The following MRTFB variants were observed in gnomAD, a reference collection of about 807,000 sequenced individuals.
MRTFB encodes myocardin-related transcription factor B.
Under a neutral mutation model 104.2 loss-of-function variants are expected in MRTFB, and 29 were observed. The ratio of observed to expected loss-of-function variants is 0.28; its 90% confidence interval spans 0.21 to 0.38. The LOEUF (loss-of-function observed/expected upper bound fraction) is 0.38, where lower values mean the gene tolerates loss of function less well. Ranked by LOEUF, MRTFB falls within the 10% of genes least tolerant of loss-of-function variation. The probability of loss-of-function intolerance (pLI) is 1.00; values close to 1 mark genes in which losing one functional copy is unlikely to be tolerated. For synonymous variants in MRTFB, 535 were observed against 519.5 expected (o/e 1.03, Z -0.41); for missense variants, 1,270 against 1,341.6 (o/e 0.95, Z 0.83).
the MRTFB span, among the ~76,000 whole-genome samples, chr16:14,047,954 T>C: frequency 6.6e-6 from 1 of 152,182 alleles, no homozygotes; most frequent in Non-Finnish European, 1.5e-5. Context: ...CAAAAGTTCA[T>C]AGTCCAAAGT....
chr16:14,241,686 A>G (rs1337704153), intron 10 of MRTFB, among the ~76,000 whole-genome samples: 1 of 152,198 alleles, frequency 6.6e-6, no homozygotes, highest in Non-Finnish European at 1.5e-5. Flanking sequence ...TAAGATTCAA[A>G]TATCTTGAGG....
intron 3 of MRTFB, among the ~76,000 whole-genome samples, chr16:14,160,173 T>A (rs2038979820): frequency 6.6e-6 from 1 of 152,210 alleles, no homozygotes; most frequent in African/African-American, 2.4e-5. Context: ...TAGTCAAGTA[T>A]CACTCATTGC....
At chr16:14,075,642 G>A (rs879538961) in intron 1 of MRTFB, among the ~76,000 whole-genome samples, 22 of 152,200 alleles carry the variant, frequency 1.4e-4, no homozygotes, top group Non-Finnish European at 2.9e-4. Context: ...CATACTTTGA[G>A]AACCATTAGA....
the MRTFB span, among the ~76,000 whole-genome samples, chr16:14,011,172 G>A: frequency 6.6e-6 from 1 of 152,252 alleles, no homozygotes; most frequent in Non-Finnish European, 1.5e-5. Context: ...CATCCCAGGA[G>A]CCCAGGCAAT....
chr16:14,127,280 A>G (rs907617475), intron 2 of MRTFB, among the ~76,000 whole-genome samples: 5 of 152,246 alleles, frequency 3.3e-5, no homozygotes, highest in Admixed American at 6.5e-5. Context: ...AGGTATTACA[A>G]AATGGAACAA....
At chr16:14,046,611 TCC>T in the MRTFB span, among the ~76,000 whole-genome samples, 3 of 152,148 alleles carry the variant, frequency 2.0e-5, no homozygotes, top group Non-Finnish European at 2.9e-5. Context: ...TCAGCATCTC[TCC>T]CCTGCTCCAC....
At chr16:14,160,649 T>A (rs1487920144) in intron 3 of MRTFB, among the ~76,000 whole-genome samples, 1 of 152,134 alleles carries the variant, frequency 6.6e-6, no homozygotes, top group Non-Finnish European at 1.5e-5. Flanking sequence ...ATGTTTTAAT[T>A]CTGACATTAG....
At chr16:14,215,723 G>A (rs1446049717) in intron 6 of MRTFB, among the ~76,000 whole-genome samples, 1 of 152,196 alleles carries the variant, frequency 6.6e-6, no homozygotes, top group Non-Finnish European at 1.5e-5. Flanking sequence ...ACAGTTGGTT[G>A]TATGGGAAAA....
chr16:14,170,663 A>G (rs9930548), intron 3 of MRTFB, among the ~76,000 whole-genome samples: 13,484 of 152,218 alleles, frequency 0.089, 1,230 homozygotes, highest in African/African-American at 0.23. Flanking sequence ...CAGAGTATAT[A>G]TCATGTGTAT....
At chr16:14,020,133 A>AC in the MRTFB span, among the ~76,000 whole-genome samples, 5 of 150,456 alleles carry the variant, frequency 3.3e-5, no homozygotes, top group South Asian at 2.1e-4. Flanking sequence ...CTGACTGGGT[A>AC]CCCCCTCCAC....
chr16:14,165,762 C>T (rs1597129460), intron 3 of MRTFB, among the ~76,000 whole-genome samples: 2 of 152,080 alleles, frequency 1.3e-5, no homozygotes, highest in African/African-American at 4.8e-5. Flanking sequence ...CTTAGTTTGT[C>T]GTTCTGAGCC....
the MRTFB span, among the ~76,000 whole-genome samples, chr16:14,026,383 GC>G: frequency 6.6e-6 from 1 of 152,070 alleles, no homozygotes. Flanking sequence ...TTCAAACCAA[GC>G]CTCACAACTT....
the MRTFB span, among the ~76,000 whole-genome samples, chr16:14,012,763 C>G: frequency 6.6e-6 from 1 of 152,074 alleles, no homozygotes; most frequent in African/African-American, 2.4e-5. Flanking sequence ...GAACTCAGGG[C>G]TGCCTGAGTC....
intron 15 of MRTFB, among the ~76,000 whole-genome samples, chr16:14,253,646 C>T (rs890209930): frequency 3.3e-5 from 5 of 152,182 alleles, no homozygotes; most frequent in Non-Finnish European, 4.4e-5. Flanking sequence ...TCAGTCCAGG[C>T]GACCTTGTCA....
chr16:14,252,921 A>G (rs1221961288), intron 15 of MRTFB, among the ~76,000 whole-genome samples: 1 of 152,116 alleles, frequency 6.6e-6, no homozygotes, highest in African/African-American at 2.4e-5. Context: ...CAGCACCTAA[A>G]TTGACTTGGT....
chr16:14,212,251 A>C lies in MRTFB; in HGVS notation c.221-103A>C, dbSNP rs1187293669. ...GGAACTGGTAAATTAATGGAACTGT[A>C]GTTGTGATCTGTTAATAATAGGGTT... On this transcript the variant is annotated intron_variant, in intron 4 of 16. Transcript: ENST00000571589. The C allele has an allele frequency of 1.0e-5, 11 of 1,064,396 alleles. No individual in the cohort carries two copies. The Admixed American group carries it at 1.1e-4, about 11-fold the overall frequency. 65.9% of individuals were successfully genotyped at this position (1,064,396 alleles called of 1,614,324 possible). A position where few individuals can be genotyped will look rare whatever the true frequency, so the allele number is the denominator to read the frequency against.
rs554257220 is a variant in MRTFB at position 14,243,082 on chromosome 16, A to C, written c.1080-2446A>C. 4.3e-3 allele frequency among the ~76,000 whole-genome samples: 651 copies of C among 152,284 alleles called. 7 individuals carry two copies. Among genetic ancestry groups the C allele is most frequent in the African/African-American group, 0.015 (610 of 41,564 alleles). ...AATGTCTAAAAGGCTCTTTCGGGGGACAATAATGAATGAAAATAAGGTGGA... is the reference window on the plus strand; with the variant it reads ...AATGTCTAAAAGGCTCTTTCGGGGGCCAATAATGAATGAAAATAAGGTGGA... On this transcript the variant is annotated intron_variant, in intron 10 of 16. Coordinates refer to ENST00000571589, the MANE Select transcript of MRTFB (RefSeq NM_001308142.2).
chr16:14,082,466 T>A (rs990709930), intron 2 of MRTFB, among the ~76,000 whole-genome samples: 18 of 152,178 alleles, frequency 1.2e-4, no homozygotes, highest in Non-Finnish European at 2.2e-4. Flanking sequence ...TGAAACCAGG[T>A]AGTGTGATAT....
At chr16:14,012,711 G>T in the MRTFB span, among the ~76,000 whole-genome samples, 1 of 152,128 alleles carries the variant, frequency 6.6e-6, no homozygotes, top group Non-Finnish European at 1.5e-5. Context: ...GTTAAGCAAT[G>T]TATGAACGTT....
Sources: gnomAD v4.1 joint callset for allele counts (sites outside exome capture counted in the v4.1 genomes callset) on GRCh38, gnomAD v4.1.1 for gene constraint, MANE v1.5 for transcripts, NCBI Gene and HGNC (gene_info 2026-07-23, HGNC 2026-07-21) for gene names.